The following HFM1 variants were observed in gnomAD, a reference collection of about 807,000 sequenced individuals.
The protein encoded by HFM1 is helicase for meiosis 1, also known as probable ATP-dependent DNA helicase HFM1.
Under a neutral mutation model 192.1 loss-of-function variants are expected in HFM1, and 169 were observed. That is an observed-to-expected ratio of 0.88 (90% CI 0.78 to 1.00). The LOEUF is 1.00. Among genes scored for constraint, HFM1 ranks in the 50% least tolerant of loss-of-function variants. HFM1 has a pLI of 0.00. For missense variants in HFM1, 1,661 were observed against 1,668.0 expected, an observed-to-expected ratio of 1.00 and a Z score of 0.07; for synonymous variants, 525 against 537.8, an observed-to-expected ratio of 0.98 and a Z score of 0.33.
chr1:91,362,741 A>C (rs1215432644), intron 13 of HFM1, among the ~76,000 whole-genome samples: 2 of 152,300 alleles, frequency 1.3e-5, no homozygotes, highest in East Asian at 1.9e-4. Context: ...CCTAAGCAAA[A>C]GAACAAAGCT....
At position 91,359,366 on chromosome 1, in the gene HFM1, G is replaced by C. The variant is rs1483341898; in HGVS notation, c.1686-6067C>G. 4.6e-5 allele frequency among the ~76,000 whole-genome samples: 7 copies of C among 152,208 alleles called. No individual in the cohort carries two copies. In the East Asian group the frequency reaches 1.2e-3, roughly 25 times the overall value. On this transcript the variant is annotated intron_variant, in intron 13 of 38. Transcript: ENST00000370425. Reference sequence around the variant, plus strand: ...AAAAGGTAAGAACCATGGTAAAACAGTACAGGAGCTGATAGCCAGAACAGC... The same window carrying C: ...AAAAGGTAAGAACCATGGTAAAACACTACAGGAGCTGATAGCCAGAACAGC...
intron 30 of HFM1, among the ~76,000 whole-genome samples, chr1:91,279,925 G>A (rs568080580): frequency 1.3e-5 from 2 of 152,104 alleles, no homozygotes; most frequent in Admixed American, 6.5e-5. Context: ...GAAAAAAAAT[G>A]AGCTCTAATA....
chr1:91,269,825 G>A (rs2100723261), intron 34 of HFM1, among the ~76,000 whole-genome samples: 1 of 152,194 alleles, frequency 6.6e-6, no homozygotes, highest in East Asian at 1.9e-4. Context: ...GCTATGAAGG[G>A]AGAACACCAT....
At chr1:91,274,501 T>C (rs1666617416) in intron 33 of HFM1, among the ~76,000 whole-genome samples, 1 of 152,058 alleles carries the variant, frequency 6.6e-6, no homozygotes, top group Non-Finnish European at 1.5e-5. Flanking sequence ...GGTAGTTTCC[T>C]AGGGAAGAGA....
intron 30 of HFM1, among the ~76,000 whole-genome samples, chr1:91,297,521 GCTAACTGGGAGGCGT>G (rs1647847069): frequency 6.6e-6 from 1 of 152,126 alleles, no homozygotes; most frequent in African/African-American, 2.4e-5. Context: ...CCCCAAGTAG[GCTAACTGGGAGGCGT>G]CCCCCAGTAG....
chr1:91,271,502 C>A (rs1472568065), intron 34 of HFM1, among the ~76,000 whole-genome samples: 1 of 151,810 alleles, frequency 6.6e-6, no homozygotes, highest in Non-Finnish European at 1.5e-5. Context: ...AAGGAAGAGA[C>A]TTCAGCATAT....
At chr1:91,351,486 TA>T in intron 17 of HFM1, 62 bp downstream of exon 17, 1 of 869,200 alleles carries the variant, frequency 1.2e-6, no homozygotes, top group Non-Finnish European at 1.8e-6. Flanking sequence ...TTTGATATTT[TA>T]AAAGGAAATA....
chr1:91,387,918 A>T (rs1225578437), intron 4 of HFM1, among the ~76,000 whole-genome samples: 40 of 101,470 alleles, frequency 3.9e-4, no homozygotes, highest in Admixed American at 1.8e-3. Context: ...GAGTATAATT[A>T]AAAAAAAAAA....
chr1:91,266,879 T>A (rs1185861668), intron 35 of HFM1, among the ~76,000 whole-genome samples: 1 of 152,200 alleles, frequency 6.6e-6, no homozygotes, highest in Non-Finnish European at 1.5e-5. Context: ...GGTGGTCAAA[T>A]CCTGTTCTTT....
chr1:91,343,087 C>T (rs936059721), intron 20 of HFM1, among the ~76,000 whole-genome samples: 3 of 151,610 alleles, frequency 2.0e-5, no homozygotes, highest in African/African-American at 4.8e-5. Flanking sequence ...AAAAATTGGC[C>T]GGGCATGGTG....
chr1:91,385,760 G>A lies in HFM1; in HGVS notation c.569C>T (p.Ser190Leu). Residue 190 changes from serine (S) to leucine (L), a missense_variant, in exon 5 of 39, where the codon TCA becomes TTA. Coordinates refer to ENST00000370425, the MANE Select transcript of HFM1 (RefSeq NM_001017975.6). ...CATTTCTGTTTGTACAATTTTCACT[G>A]AGCCAATGTGAGAGTCCAATTCATT... ...NDNELDSHIGSVKIVQTEMNK... is the reference protein window; with the variant it reads ...NDNELDSHIGLVKIVQTEMNK... 6.2e-7 allele frequency: 1 copy of A among 1,608,648 alleles called. No homozygotes were observed. Among genetic ancestry groups the A allele is most frequent in the South Asian group, 1.1e-5 (1 of 90,964 alleles).
At chr1:91,296,556 C>G (rs906864971) in intron 30 of HFM1, among the ~76,000 whole-genome samples, 3 of 151,848 alleles carry the variant, frequency 2.0e-5, no homozygotes, top group African/African-American at 7.3e-5. Flanking sequence ...AAAAAAATGA[C>G]AACAACAACA....
Position 91,298,125 on chromosome 1 carries a change from G to T in HFM1, c.3391+15224C>A, listed in dbSNP as rs865992212. Among the ~76,000 whole-genome samples the T allele has an allele frequency of 5.3e-5, 8 of 152,296 alleles. No individual in the cohort carries two copies. The East Asian group carries it at 1.5e-3, about 29-fold the overall frequency. ...GATGGAGCTGAAAACCACAGCACAA[G>T]AAGTACCTGACGAATGCACAAGCCT... On this transcript the variant is annotated intron_variant, in intron 30 of 38. Coordinates refer to ENST00000370425, the MANE Select transcript of HFM1 (RefSeq NM_001017975.6).
intron 36 of HFM1, among the ~76,000 whole-genome samples, 194 bp downstream of exon 36, chr1:91,265,823 T>C (rs997714142): frequency 6.6e-6 from 1 of 152,318 alleles, no homozygotes; most frequent in East Asian, 1.9e-4. Flanking sequence ...ATTTTTAATA[T>C]GCACCTCAAA....
intron 20 of HFM1, chr1:91,328,792 C>T (rs1182135144): frequency 6.2e-7 from 1 of 1,611,096 alleles, no homozygotes; most frequent in East Asian, 2.2e-5. Context: ...CTAAGCAGCA[C>T]AACGATAAGT....
At chr1:91,264,461 C>T (rs1487059981) in intron 36 of HFM1, among the ~76,000 whole-genome samples, 6 of 140,692 alleles carry the variant, frequency 4.3e-5, no homozygotes, top group Non-Finnish European at 9.1e-5. Flanking sequence ...CAAGCTCCGC[C>T]TCCCGGGTTC....
At position 91,385,674 on chromosome 1, in the gene HFM1, C is replaced by T. The variant is rs557206287; in HGVS notation, c.655G>A (p.Val219Met). The T allele has an allele frequency of 6.2e-7, 1 of 1,611,704 alleles. No individual in the cohort carries two copies. Among genetic ancestry groups the T allele is most frequent in the East Asian group, 2.2e-5 (1 of 44,822 alleles). Reference sequence around the variant, plus strand: ...GAAAAAGCATTATTTGCTGTAAACACATTTGCAGAATACTGAAATTTTTGC... The same window carrying T: ...GAAAAAGCATTATTTGCTGTAAACATATTTGCAGAATACTGAAATTTTTGC... Reference protein sequence around the residue: ...SKQKFQYSANVFTANNAFSAS... With the variant: ...SKQKFQYSANMFTANNAFSAS... Residue 219 changes from valine to methionine, a missense_variant, in exon 5 of 39, where the codon GTG becomes ATG. By Grantham distance (21) the Val-to-Met change is conservative. Coordinates refer to ENST00000370425, the MANE Select transcript of HFM1 (RefSeq NM_001017975.6).
chr1:91,404,967 T>G, upstream of HFM1: 1 of 420,892 alleles, frequency 2.4e-6, no homozygotes. Context: ...ATATATCTCT[T>G]GCAGTTTACT....
intron 30 of HFM1, among the ~76,000 whole-genome samples, chr1:91,282,426 C>G (rs1349417141): frequency 6.6e-6 from 1 of 152,038 alleles, no homozygotes; most frequent in Admixed American, 6.6e-5. Flanking sequence ...TATTACATTC[C>G]TGAATTATCC....
Sources: allele counts gnomAD v4.1 joint callset (sites outside exome capture counted in the v4.1 genomes callset), GRCh38; gene constraint gnomAD v4.1.1; transcripts MANE v1.5; gene names NCBI Gene and HGNC (gene_info 2026-07-23, HGNC 2026-07-21).